The following CACNA2D2 variants were observed in gnomAD, a reference collection of about 807,000 sequenced individuals.
CACNA2D2 encodes the protein voltage-dependent calcium channel subunit alpha-2/delta-2.
In CACNA2D2, 48 loss-of-function variants were observed where a neutral mutation model predicts 166.4. That is an observed-to-expected ratio of 0.29 (90% CI 0.23 to 0.37). CACNA2D2 has a LOEUF of 0.37. CACNA2D2 is among the 10% of genes least tolerant of loss of function. The pLI, the probability that CACNA2D2 is intolerant of heterozygous loss-of-function variation, is 1.00. For missense variants in CACNA2D2, 1,122 were observed against 1,433.0 expected (o/e 0.78, Z 3.50); for synonymous variants, 561 against 573.7 (o/e 0.98, Z 0.32).
chr3:50,464,951 C>G (rs1709765648), intron 2 of CACNA2D2, among the ~76,000 whole-genome samples: 1 of 152,256 alleles, frequency 6.6e-6, no homozygotes, highest in South Asian at 2.1e-4. Context: ...TGTGCCAGCC[C>G]TGGGACTGGG....
chr3:50,368,627 C>T (rs76846888), intron 23 of CACNA2D2, among the ~76,000 whole-genome samples: 12,397 of 152,286 alleles, frequency 0.081, 619 homozygotes, highest in Middle Eastern at 0.11. Context: ...AGTACAAGCA[C>T]TGGCTTTTTG....
rs1705013860 is a variant in CACNA2D2 at position 50,376,639 on chromosome 3, G to C, written c.1627-451C>G. ...AATCCTACCTGGGGCTTCCCTTCCA[G>C]GTGGAAGGGAAGTAGGAGTAAGTGG... On this transcript the variant is annotated intron_variant, in intron 17 of 37. Coordinates refer to ENST00000424201, the MANE Select transcript of CACNA2D2 (RefSeq NM_006030.4). This position sits in a 1 kb window ranked among gnomAD's most constrained non-coding sequence, Gnocchi z 4.3. Among the ~76,000 whole-genome samples the C allele has an allele frequency of 6.6e-6, 1 of 152,092 alleles. No individual in the cohort carries two copies.
intron 3 of CACNA2D2, among the ~76,000 whole-genome samples, chr3:50,405,330 C>G (rs1167359821): frequency 7.4e-6 from 1 of 134,480 alleles, no homozygotes; most frequent in Non-Finnish European, 1.5e-5. Flanking sequence ...CTGGGTCAAA[C>G]AGGTTGCAGG....
In CACNA2D2 at chr3:50,427,187, C is replaced by T. The variant is rs540641730; in HGVS notation, c.405+7126G>A. On this transcript the variant is annotated intron_variant, in intron 3 of 37. Coordinates refer to ENST00000424201, the MANE Select transcript of CACNA2D2 (RefSeq NM_006030.4). This position sits in a 1 kb window ranked among gnomAD's most constrained non-coding sequence, Gnocchi z 4.7. ...CATTCCTTGGTGGTCGCTCTGCCAC[C>T]GCATGCTCCCTGGTTTCTCCTAGCG... Among the ~76,000 whole-genome samples, 5 of 152,206 alleles carry T rather than the reference C, an allele frequency of 3.3e-5. No homozygotes were observed. The South Asian group carries it at 6.2e-4, about 19-fold the overall frequency.
chr3:50,461,745 C>CAAAAAA (rs561980044), intron 2 of CACNA2D2, among the ~76,000 whole-genome samples: 1 of 40,594 alleles, frequency 2.5e-5, no homozygotes, highest in Non-Finnish European at 5.0e-5. Context: ...TGGGGAGTCT[C>CAAAAAA]AAAAAAAAAA....
Position 50,365,020 on chromosome 3 carries a change from G to C in CACNA2D2, c.3209-50C>G, listed in dbSNP as rs587738954. 1 of 1,602,396 alleles carries C rather than the reference G, an allele frequency of 6.2e-7. No homozygotes were observed. The highest frequency in any genetic ancestry group is 1.1e-5 in the South Asian group (1 of 90,584). On this transcript the variant is annotated intron_variant, in intron 36 of 37. Coordinates refer to ENST00000424201, the MANE Select transcript of CACNA2D2 (RefSeq NM_006030.4). This position sits in a 1 kb window ranked among gnomAD's most constrained non-coding sequence, Gnocchi z 4.5. ...AGGCGGACGGCGGCGGCGGCACGGAGGGGGCGCGCGGGGCAGAGGGGGAGC... is the reference window on the plus strand; with the variant it reads ...AGGCGGACGGCGGCGGCGGCACGGACGGGGCGCGCGGGGCAGAGGGGGAGC...
intron 3 of CACNA2D2, among the ~76,000 whole-genome samples, chr3:50,412,349 C>A (rs557286757): frequency 6.6e-6 from 1 of 152,318 alleles, no homozygotes; most frequent in South Asian, 2.1e-4. Flanking sequence ...ATCTGGCAGG[C>A]GCAGCCGTCT....
At chr3:50,450,806 C>A (rs998652372) in intron 2 of CACNA2D2, among the ~76,000 whole-genome samples, 1 of 152,110 alleles carries the variant, frequency 6.6e-6, no homozygotes, top group Non-Finnish European at 1.5e-5. Context: ...ATCCGCAAGA[C>A]GCCCGCCGAC....
rs1699060672 is a variant in CACNA2D2, at chr3:50,503,271, T to C, written c.153A>G (p.Leu51=). ...AGGCGCCGGGGGCGGCGAGCAGCGG[T>C]AGAAGCGGCAGCAGCAGCCACAGCG... ...PRPLWLLLPL[L]PLLAAPGASA... is the part of the protein sequence containing the mutation. Residue 51 remains leucine (L), a synonymous_variant, in exon 1 of 38, where the codon CTA becomes CTG. Coordinates refer to ENST00000424201, the MANE Select transcript of CACNA2D2 (RefSeq NM_006030.4). 5.1e-6 allele frequency: 6 copies of C among 1,181,222 alleles called. No individual in the cohort carries two copies. The East Asian group carries it at 1.4e-4, about 28-fold the overall frequency. 73.2% of individuals were successfully genotyped at this position (1,181,222 alleles called of 1,614,324 possible).
chr3:50,405,224 C>A (rs1706645732), intron 3 of CACNA2D2, among the ~76,000 whole-genome samples: 1 of 152,104 alleles, frequency 6.6e-6, no homozygotes. Context: ...CGATGGGGCA[C>A]TGGTTGGGCT....
intron 3 of CACNA2D2, among the ~76,000 whole-genome samples, chr3:50,412,704 C>A (rs962311049): frequency 6.6e-6 from 1 of 152,162 alleles, no homozygotes; most frequent in African/African-American, 2.4e-5. Context: ...TTAGCTCGTT[C>A]TTTGAAATAA....
chr3:50,425,500 C>A (rs1300778194), intron 3 of CACNA2D2, among the ~76,000 whole-genome samples: 3 of 152,194 alleles, frequency 2.0e-5, no homozygotes, highest in Non-Finnish European at 4.4e-5. Flanking sequence ...GGCCCGAGGG[C>A]AGGGATCATC....
At chr3:50,370,408 C>CG (rs1559879676) in intron 22 of CACNA2D2, 28 bp from the exon 23 acceptor site, 1 of 690,016 alleles carries the variant, frequency 1.4e-6, no homozygotes, top group African/African-American at 3.2e-5. Flanking sequence ...GGTTATCCGG[C>CG]GGGGGCTGGG....
At chr3:50,371,309 G>T (rs762011307) in intron 22 of CACNA2D2, among the ~76,000 whole-genome samples, 1 of 152,252 alleles carries the variant, frequency 6.6e-6, no homozygotes, top group Middle Eastern at 3.4e-3. Context: ...TGTGCCCTGG[G>T]CTTATGAGCT....
At chr3:50,390,131 A>G (rs1705814903) in intron 4 of CACNA2D2, among the ~76,000 whole-genome samples, 1 of 152,192 alleles carries the variant, frequency 6.6e-6, no homozygotes. Context: ...TTCTCTAGTG[A>G]CTGAGTGCAG....
At chr3:50,490,840 T>C (rs564119086) in intron 1 of CACNA2D2, among the ~76,000 whole-genome samples, 2 of 152,150 alleles carry the variant, frequency 1.3e-5, no homozygotes, top group East Asian at 1.9e-4. Flanking sequence ...AGGACAAGAA[T>C]AGGGAGGACA....
rs571201155 is a variant in CACNA2D2, at chr3:50,486,495, A to C, written c.207-10296T>G. On this transcript the variant is annotated intron_variant, in intron 1 of 37. Coordinates refer to ENST00000424201, the MANE Select transcript of CACNA2D2 (RefSeq NM_006030.4). ...TGGCCTCCTGCCTTGAAGAAGACAG[A>C]GACCCCCTCAAGGTCCCCCTCAGAG... is the stretch of plus-strand genomic sequence containing the variant. Among the ~76,000 whole-genome samples, 429 of 152,200 alleles carry C rather than the reference A, an allele frequency of 2.8e-3. 7 individuals carry two copies. Among genetic ancestry groups the C allele is most frequent in the African/African-American group, 9.3e-3 (388 of 41,508 alleles).
intron 1 of CACNA2D2, among the ~76,000 whole-genome samples, chr3:50,484,408 T>C (rs563921280): frequency 6.6e-6 from 1 of 152,214 alleles, no homozygotes; most frequent in East Asian, 1.9e-4. Flanking sequence ...ATGTCCCTCC[T>C]CTGTCAACTC....
At chr3:50,386,287 C>T (rs951922114) in intron 5 of CACNA2D2, among the ~76,000 whole-genome samples, 2 of 152,144 alleles carry the variant, frequency 1.3e-5, no homozygotes, top group African/African-American at 4.8e-5. Context: ...AGGTTCAGAG[C>T]ATCCTAGTAG....
Sources: allele counts gnomAD v4.1 joint callset (sites outside exome capture counted in the v4.1 genomes callset), GRCh38; gene constraint gnomAD v4.1.1; non-coding constraint Gnocchi (gnomAD v3.1); transcripts MANE v1.5; gene names NCBI Gene and HGNC (gene_info 2026-07-23, HGNC 2026-07-21).